TLN2: variants seen among roughly 807,000 people sequenced by gnomAD.
TLN2 encodes the protein talin 2, also known as talin-2.
In TLN2, 118 loss-of-function variants were observed where a neutral mutation model predicts 294.7. The ratio of observed to expected loss-of-function variants is 0.40; its 90% CI spans 0.34 to 0.47. TLN2 has a LOEUF of 0.47. Among genes scored for constraint, TLN2 ranks in the 20% least tolerant of loss-of-function variants. The pLI is 0.84. For synonymous variants in TLN2, 1,431 were observed against 1,304.5 expected (o/e 1.10, Z -2.09); for missense variants, 3,083 against 3,282.2 (o/e 0.94, Z 1.48).
chr15:62,614,635 G>A (rs1186286102), intron 2 of TLN2, among the ~76,000 whole-genome samples: 1 of 152,148 alleles, frequency 6.6e-6, no homozygotes, highest in Non-Finnish European at 1.5e-5. Context: ...CTTATAATTA[G>A]TGCTAAAATA....
chr15:62,437,278 T>C lies in TLN2; in HGVS notation c.-238+46593T>C, dbSNP rs112160318. 6.3e-3 allele frequency among the ~76,000 whole-genome samples: 958 copies of C among 152,246 alleles called. 6 individuals carry two copies. The highest frequency in any genetic ancestry group is 0.022 in the African/African-American group (922 of 41,534). On this transcript the variant is annotated intron_variant, in intron 1 of 58. Transcript: ENST00000636159. ...TGAGGAGCACATTCATCAATAGCAG[T>C]GTATTAGGAGTTATGGGGGACACAT...
At chr15:62,671,457 A>G (rs2055411723) in intron 9 of TLN2, among the ~76,000 whole-genome samples, 1 of 152,182 alleles carries the variant, frequency 6.6e-6, no homozygotes, top group African/African-American at 2.4e-5. Context: ...ATTCTAGTGT[A>G]TGGTGTGAAG....
intron 52 of TLN2, among the ~76,000 whole-genome samples, chr15:62,811,630 T>C (rs1435163070): frequency 6.6e-6 from 1 of 152,220 alleles, no homozygotes; most frequent in African/African-American, 2.4e-5. Context: ...TGCAGTTTCC[T>C]CAGACGTTAA....
chr15:62,577,995 C>T (rs2044578074), intron 1 of TLN2, among the ~76,000 whole-genome samples: 1 of 152,142 alleles, frequency 6.6e-6, no homozygotes, highest in African/African-American at 2.4e-5. Context: ...TTTCCAGCTT[C>T]ATCCATGTCC....
intron 2 of TLN2, among the ~76,000 whole-genome samples, chr15:62,592,870 G>A (rs955229754): frequency 2.4e-4 from 37 of 152,154 alleles, no homozygotes; most frequent in African/African-American, 8.2e-4. Flanking sequence ...GATGGGGTGG[G>A]GGAATGATAA....
intron 19 of TLN2, among the ~76,000 whole-genome samples, chr15:62,706,753 T>C (rs2059100639): frequency 1.3e-5 from 2 of 152,214 alleles, no homozygotes; most frequent in African/African-American, 2.4e-5. Context: ...TGATCTACCA[T>C]ATCAGCCACT....
intron 1 of TLN2, among the ~76,000 whole-genome samples, chr15:62,580,639 G>C (rs1453113970): frequency 6.6e-6 from 1 of 152,002 alleles, no homozygotes. Flanking sequence ...TCTAACTCCT[G>C]AGTTCAAGTG....
At chr15:62,716,058 C>G (rs1321273345) in intron 22 of TLN2, among the ~76,000 whole-genome samples, 1 of 152,180 alleles carries the variant, frequency 6.6e-6, no homozygotes, top group African/African-American at 2.4e-5. Context: ...GGGTTTCTGT[C>G]CACAGGTTAA....
At chr15:62,505,375 G>C (rs193186930) in intron 1 of TLN2, among the ~76,000 whole-genome samples, 1 of 152,304 alleles carries the variant, frequency 6.6e-6, no homozygotes, top group Admixed American at 6.5e-5. Flanking sequence ...TGCTGATGAA[G>C]AGTTGTCTTA....
chr15:62,512,069 A>G (rs2039964936), intron 1 of TLN2, among the ~76,000 whole-genome samples: 2 of 152,158 alleles, frequency 1.3e-5, no homozygotes, highest in South Asian at 2.1e-4. Context: ...TTCAGTCACA[A>G]AGTTGCTTTG....
At chr15:62,712,098 G>T in intron 22 of TLN2, 21 bp downstream of exon 22, 1 of 1,610,154 alleles carries the variant, frequency 6.2e-7, no homozygotes, top group Middle Eastern at 1.7e-4. Context: ...GGATTTGTTT[G>T]TATGAAAAGT....
intron 21 of TLN2, among the ~76,000 whole-genome samples, chr15:62,709,308 A>G (rs1209448527): frequency 6.6e-6 from 1 of 152,224 alleles, no homozygotes; most frequent in African/African-American, 2.4e-5. Flanking sequence ...TAAACAATTT[A>G]GGATTGGCTA....
chr15:62,680,158 T>C (rs566159104), intron 11 of TLN2, among the ~76,000 whole-genome samples: 114 of 152,358 alleles, frequency 7.5e-4, no homozygotes, highest in African/African-American at 2.7e-3. Context: ...TTTTAGGTTT[T>C]TTCCTTTTCA....
intron 22 of TLN2, among the ~76,000 whole-genome samples, chr15:62,713,267 G>A (rs1444532061): frequency 5.1e-4 from 34 of 66,892 alleles, no homozygotes; most frequent in South Asian, 2.0e-3. Flanking sequence ...GCAAACCTGC[G>A]TCTCAAAAAA....
intron 1 of TLN2, among the ~76,000 whole-genome samples, chr15:62,424,310 A>T (rs2034581201): frequency 6.6e-6 from 1 of 152,126 alleles, no homozygotes; most frequent in Non-Finnish European, 1.5e-5. Flanking sequence ...AGCTTTTCTT[A>T]AGGGAGGCAG....
intron 45 of TLN2, among the ~76,000 whole-genome samples, chr15:62,788,518 G>C (rs1306901041): frequency 1.3e-5 from 2 of 152,106 alleles, no homozygotes; most frequent in African/African-American, 2.4e-5. Context: ...GCCCAATCTT[G>C]TTTCTCCTCA....
At chr15:62,723,199 T>C (rs1365122345) in intron 26 of TLN2, among the ~76,000 whole-genome samples, 2 of 152,224 alleles carry the variant, frequency 1.3e-5, no homozygotes, top group Non-Finnish European at 2.9e-5. Context: ...ATTCTTAATA[T>C]GAGGAGAATG....
chr15:62,434,271 AG>A (rs1254021213), intron 1 of TLN2, among the ~76,000 whole-genome samples: 1 of 152,164 alleles, frequency 6.6e-6, no homozygotes, highest in Admixed American at 6.5e-5. Context: ...CTGAATATAT[AG>A]TATATAAGGT....
intron 1 of TLN2, among the ~76,000 whole-genome samples, chr15:62,519,970 A>G (rs1194824261): frequency 6.6e-6 from 1 of 152,238 alleles, no homozygotes; most frequent in African/African-American, 2.4e-5. Flanking sequence ...CCTCACAATC[A>G]TGGTGGAAGG....
Sources: gnomAD v4.1 joint callset for allele counts (sites outside exome capture counted in the v4.1 genomes callset) on GRCh38, gnomAD v4.1.1 for gene constraint, MANE v1.5 for transcripts, NCBI Gene and HGNC (gene_info 2026-07-23, HGNC 2026-07-21) for gene names.